The following DPP10 variants were observed in gnomAD, a reference collection of about 807,000 sequenced individuals.
DPP10 encodes inactive dipeptidyl peptidase 10.
A neutral mutation model predicts 120.9 loss-of-function variants in DPP10; 33 were observed. That is an observed-to-expected ratio of 0.27 (90% CI 0.21 to 0.37). The LOEUF (loss-of-function observed/expected upper bound fraction) is 0.37, where lower values mean the gene tolerates loss of function less well. DPP10 is among the 10% of genes least tolerant of loss of function. The probability of loss-of-function intolerance (pLI) is 1.00; values close to 1 mark genes in which losing one functional copy is unlikely to be tolerated. For missense variants in DPP10, 816 were observed against 942.8 expected (o/e 0.87, Z 1.76); for synonymous variants, 337 against 326.1 (o/e 1.03, Z -0.36).
At chr2:114,526,126 T>C (rs1189581480) in intron 1 of DPP10, among the ~76,000 whole-genome samples, 1 of 152,208 alleles carries the variant, frequency 6.6e-6, no homozygotes, top group African/African-American at 2.4e-5. Flanking sequence ...GTAATCTGAT[T>C]GTGAACAATG....
intron 5 of DPP10, among the ~76,000 whole-genome samples, chr2:115,539,498 G>A (rs549876690): frequency 6.6e-6 from 1 of 151,974 alleles, no homozygotes; most frequent in South Asian, 2.1e-4. Context: ...CATTGTGCAA[G>A]GAAATCTACC....
intron 1 of DPP10, among the ~76,000 whole-genome samples, chr2:115,249,937 A>G (rs1011135253): frequency 6.6e-6 from 1 of 152,196 alleles, no homozygotes; most frequent in Non-Finnish European, 1.5e-5. Flanking sequence ...GAATTATTGC[A>G]ATGGGTGAGT....
chr2:114,831,298 T>C (rs1416095203), intron 1 of DPP10, among the ~76,000 whole-genome samples: 1 of 152,150 alleles, frequency 6.6e-6, no homozygotes, highest in Non-Finnish European at 1.5e-5. Context: ...TATTTCACCA[T>C]AAGGGATATT....
chr2:115,415,090 A>G (rs2069272395), intron 3 of DPP10, among the ~76,000 whole-genome samples: 1 of 152,140 alleles, frequency 6.6e-6, no homozygotes, highest in South Asian at 2.1e-4. Context: ...GCAAACTGTG[A>G]TCCTATTGTG....
intron 2 of DPP10, among the ~76,000 whole-genome samples, chr2:115,334,897 A>G (rs1036241173): frequency 2.0e-5 from 3 of 152,004 alleles, no homozygotes; most frequent in Non-Finnish European, 4.4e-5. Flanking sequence ...AATCTATGCA[A>G]AATATACCAG....
chr2:114,517,960 A>G (rs1250481677), intron 1 of DPP10, among the ~76,000 whole-genome samples: 1 of 151,884 alleles, frequency 6.6e-6, no homozygotes, highest in Non-Finnish European at 1.5e-5. Flanking sequence ...GCACCGATTC[A>G]GTCATTTCAT....
chr2:115,471,660 C>T (rs1376083386), intron 3 of DPP10, among the ~76,000 whole-genome samples: 2 of 151,792 alleles, frequency 1.3e-5, no homozygotes, highest in Admixed American at 1.3e-4. Context: ...GATCATTGCT[C>T]ACTGCAGCCT....
At chr2:114,547,393 A>G (rs1375170536) in intron 1 of DPP10, among the ~76,000 whole-genome samples, 3 of 152,300 alleles carry the variant, frequency 2.0e-5, no homozygotes, top group South Asian at 4.1e-4. Context: ...GTGTGACATT[A>G]AATAGCAAAC....
At chr2:114,671,369 CT>C (rs1698330481) in intron 1 of DPP10, among the ~76,000 whole-genome samples, 2 of 152,078 alleles carry the variant, frequency 1.3e-5, no homozygotes, top group African/African-American at 4.8e-5. Flanking sequence ...GGATATTCGT[CT>C]CCTCCTAACC....
At chr2:114,497,117 G>A (rs1205940677) in intron 1 of DPP10, among the ~76,000 whole-genome samples, 2 of 146,180 alleles carry the variant, frequency 1.4e-5, no homozygotes, top group East Asian at 2.1e-4. Context: ...ACGTATACAT[G>A]CACACGTGTA....
At chr2:114,824,699 T>C (rs762999579) in intron 1 of DPP10, among the ~76,000 whole-genome samples, 10 of 152,204 alleles carry the variant, frequency 6.6e-5, no homozygotes, top group Non-Finnish European at 1.3e-4. Flanking sequence ...ATTTTGTTAT[T>C]GCTAGGAAGA....
chr2:115,817,828 A>G (rs917067604), intron 21 of DPP10, among the ~76,000 whole-genome samples: 1 of 152,144 alleles, frequency 6.6e-6, no homozygotes, highest in Admixed American at 6.5e-5. Context: ...ATAGCCAGTC[A>G]CAGAAGGACA....
At chr2:115,110,043 G>T (rs558363769) in intron 1 of DPP10, among the ~76,000 whole-genome samples, 8 of 152,250 alleles carry the variant, frequency 5.3e-5, no homozygotes, top group African/African-American at 1.7e-4. Context: ...ATATATCAAA[G>T]AACTTGTGAG....
rs565271342 is a variant in DPP10, at chr2:114,626,660, A to G, written c.60+183822A>G. ...GAAAGTTGGCTGGCACCAAGCACCA[A>G]GGGACAGTAGCAATGTGAAAACACT... On this transcript the variant is annotated intron_variant, in intron 1 of 25. Transcript: ENST00000410059. Among the ~76,000 whole-genome samples the G allele has an allele frequency of 2.0e-5, 3 of 152,232 alleles. No individual in the cohort carries two copies. In the East Asian group the frequency reaches 5.8e-4, roughly 29 times the overall value.
chr2:114,799,585 GC>G (rs1684015610), intron 1 of DPP10, among the ~76,000 whole-genome samples: 2 of 152,090 alleles, frequency 1.3e-5, no homozygotes, highest in South Asian at 4.1e-4. Context: ...CTTTTTCTGA[GC>G]AATTTAATTA....
At chr2:115,556,898 A>G (rs1171991766) in intron 5 of DPP10, among the ~76,000 whole-genome samples, 1 of 152,180 alleles carries the variant, frequency 6.6e-6, no homozygotes, top group East Asian at 1.9e-4. Context: ...GCTTTGTAAC[A>G]TAAGCATTTT....
chr2:114,578,116 A>G (rs183912118), intron 1 of DPP10, among the ~76,000 whole-genome samples: 74 of 152,334 alleles, frequency 4.9e-4, no homozygotes, highest in African/African-American at 1.7e-3. Flanking sequence ...TAATAGATCT[A>G]CGGTAGATAA....
chr2:115,425,471 T>A (rs1298405242), intron 3 of DPP10, among the ~76,000 whole-genome samples: 1 of 152,166 alleles, frequency 6.6e-6, no homozygotes, highest in Non-Finnish European at 1.5e-5. Flanking sequence ...ACATTTCTAG[T>A]AACCTAGCCT....
intron 1 of DPP10, among the ~76,000 whole-genome samples, chr2:114,629,709 A>G (rs1432587531): frequency 6.6e-6 from 1 of 152,236 alleles, no homozygotes; most frequent in Non-Finnish European, 1.5e-5. Flanking sequence ...AAGAAAGATT[A>G]GACGATATGG....
Sources: gnomAD v4.1 joint callset for allele counts (sites outside exome capture counted in the v4.1 genomes callset) on GRCh38, gnomAD v4.1.1 for gene constraint, MANE v1.5 for transcripts, NCBI Gene and HGNC (gene_info 2026-07-23, HGNC 2026-07-21) for gene names.